Variants in MRTFA observed in about 807,000 individuals in gnomAD.
MRTFA encodes the protein myocardin related transcription factor A, also known as myocardin-related transcription factor A.
Under a neutral mutation model 83.5 loss-of-function variants are expected in MRTFA, and 20 were observed. The ratio of observed to expected loss-of-function variants is 0.24; its 90% CI spans 0.17 to 0.35. The LOEUF is 0.35. Ranked by LOEUF, MRTFA falls within the 10% of genes least tolerant of loss-of-function variation. MRTFA has a pLI of 1.00. For synonymous variants in MRTFA, 659 were observed against 541.2 expected (o/e 1.22, Z -3.02); for missense variants, 1,200 against 1,224.7 (o/e 0.98, Z 0.30).
intron 3 of MRTFA, among the ~76,000 whole-genome samples, chr22:40,499,763 T>C (rs927707387): frequency 1.3e-5 from 2 of 152,138 alleles, no homozygotes; most frequent in Admixed American, 6.5e-5. Context: ...AGAAAATGTC[T>C]TCTCTGTGAC....
rs1388116841 is a variant in MRTFA, at chr22:40,411,781, G to A, written c.2705C>T (p.Pro902Leu). The A allele has an allele frequency of 2.6e-6, 4 of 1,532,524 alleles. 1 individual carries two copies. The highest frequency in any genetic ancestry group is 2.5e-5 in the South Asian group (2 of 79,744). 94.9% of individuals were successfully genotyped at this position (1,532,524 alleles called of 1,614,324 possible). A position where few individuals can be genotyped will look rare whatever the true frequency, so the allele number is the denominator to read the frequency against. The change falls in exon 15 of 15, where the codon CCA becomes CTA. Residue 902 changes from proline to leucine, a missense_variant. Pro to Leu is a moderately conservative substitution (Grantham distance 98). Around this residue, in one of 2 missense-constraint regions of MRTFA, gnomAD observed 1,107 missense variants for 1,041.8 expected, o/e 1.06. Transcript: ENST00000355630. ...GAGGGAGGGTGAGCCTGGAGGAGGT[G>A]GGGCAGCCTGGGGGAGCTCAGCAGA... is the stretch of plus-strand genomic sequence containing the variant.
intron 2 of MRTFA, among the ~76,000 whole-genome samples, chr22:40,583,927 G>A (rs1004320747): frequency 4.6e-5 from 7 of 152,196 alleles, no homozygotes; most frequent in Non-Finnish European, 8.8e-5. Flanking sequence ...TGCACAGGAC[G>A]AGGTGCTCAT....
At chr22:40,480,670 C>G (rs2054073402) in intron 3 of MRTFA, among the ~76,000 whole-genome samples, 1 of 150,574 alleles carries the variant, frequency 6.6e-6, no homozygotes, top group Non-Finnish European at 1.5e-5. Flanking sequence ...TCAGGCTGGG[C>G]ATGATGGTTC....
chr22:40,589,506 G>A (rs1225188355), intron 2 of MRTFA, among the ~76,000 whole-genome samples: 1 of 152,174 alleles, frequency 6.6e-6, no homozygotes, highest in Non-Finnish European at 1.5e-5. Context: ...AGTAAGAGCT[G>A]TATTGTTCCA....
rs553530597 is a variant in MRTFA, at chr22:40,427,978, G to A, written c.601+1628C>T. Among the ~76,000 whole-genome samples, 14 of 152,310 alleles carry A rather than the reference G, an allele frequency of 9.2e-5. No homozygotes were observed. In the South Asian group the frequency reaches 2.7e-3, roughly 29 times the overall value. The stretch of plus-strand genomic sequence containing the variant: ...GCTACTGGGAGGGTGAAGGCCAGGA[G>A]AGGGCAGGGAAGTTCCAATACCACC... On this transcript the variant is annotated intron_variant, in intron 7 of 14. Transcript: ENST00000355630.
rs116208827 is a variant in MRTFA at position 40,608,011 on chromosome 22, C to T, written c.-83-13276G>A. ...GGATCAAATGAAAATCATAGACAGG[C>T]CATCAGGGGTCATCTTTTTGTTTTT... On this transcript the variant is annotated intron_variant, in intron 1 of 14. Coordinates refer to ENST00000355630, the MANE Select transcript of MRTFA (RefSeq NM_020831.6). 7.1e-3 allele frequency among the ~76,000 whole-genome samples: 1,075 copies of T among 152,082 alleles called. 12 individuals are homozygous for T. Among genetic ancestry groups the T allele is most frequent in the African/African-American group, 0.025 (1,037 of 41,484 alleles).
intron 2 of MRTFA, among the ~76,000 whole-genome samples, chr22:40,564,621 C>T (rs957572426): frequency 6.6e-6 from 1 of 151,998 alleles, no homozygotes; most frequent in Non-Finnish European, 1.5e-5. Context: ...AGAAGAAGCT[C>T]AATAATGCTG....
At chr22:40,530,232 C>A (rs997024699) in intron 3 of MRTFA, among the ~76,000 whole-genome samples, 1 of 152,186 alleles carries the variant, frequency 6.6e-6, no homozygotes, top group African/African-American at 2.4e-5. Flanking sequence ...GAGTCAGTAC[C>A]ATGCCCCAAT....
At chr22:40,481,043 G>A (rs762459192) in intron 3 of MRTFA, among the ~76,000 whole-genome samples, 1 of 152,114 alleles carries the variant, frequency 6.6e-6, no homozygotes, top group Non-Finnish European at 1.5e-5. Context: ...GAGGGGTTGA[G>A]GCTGCAGTGA....
chr22:40,521,269 C>A (rs1352840405), intron 3 of MRTFA, among the ~76,000 whole-genome samples: 4 of 152,136 alleles, frequency 2.6e-5, no homozygotes, highest in African/African-American at 9.7e-5. Flanking sequence ...CAGCCCCACA[C>A]CATCCACAGG....
At chr22:40,535,999 C>A (rs55849114) in intron 3 of MRTFA, among the ~76,000 whole-genome samples, 12,316 of 151,934 alleles carry the variant, frequency 0.081, 741 homozygotes, top group East Asian at 0.25. Flanking sequence ...AAAAGAAAAA[C>A]AATTTTTTAA....
At chr22:40,575,846 A>C (rs1272170501) in intron 2 of MRTFA, among the ~76,000 whole-genome samples, 1 of 152,166 alleles carries the variant, frequency 6.6e-6, no homozygotes, top group Non-Finnish European at 1.5e-5. Flanking sequence ...TGAGTATAAC[A>C]ACAACTCTCA....
intron 2 of MRTFA, chr22:40,586,715 C>G (rs892415719): frequency 7.4e-6 from 2 of 270,076 alleles, no homozygotes; most frequent in Non-Finnish European, 1.4e-5. Flanking sequence ...CAGCAGGCTT[C>G]GTTTCCTCTG....
intron 3 of MRTFA, among the ~76,000 whole-genome samples, chr22:40,515,884 G>A (rs897380731): frequency 2.6e-5 from 4 of 152,068 alleles, no homozygotes; most frequent in Non-Finnish European, 5.9e-5. Context: ...CAACTTCCAC[G>A]CAACATCTAG....
chr22:40,590,196 T>A (rs751704744), intron 2 of MRTFA, among the ~76,000 whole-genome samples: 1 of 152,170 alleles, frequency 6.6e-6, no homozygotes, highest in Non-Finnish European at 1.5e-5. Context: ...GACAACTACA[T>A]GGCACTTCTG....
chr22:40,605,731 C>T (rs1039916375), intron 1 of MRTFA, among the ~76,000 whole-genome samples: 2 of 152,086 alleles, frequency 1.3e-5, no homozygotes, highest in African/African-American at 4.8e-5. Context: ...ATTCCATTAC[C>T]AACCTAAAAT....
At chr22:40,484,646 G>C (rs2054145013) in intron 3 of MRTFA, among the ~76,000 whole-genome samples, 1 of 152,132 alleles carries the variant, frequency 6.6e-6, no homozygotes, top group South Asian at 2.1e-4. Flanking sequence ...CCTGCATTAA[G>C]TTAAAGCAGA....
In MRTFA at chr22:40,419,031, G is replaced by A. The variant is rs566258866; in HGVS notation, c.1707C>T (p.Asn569=). Residue 569 remains asparagine (N), a synonymous_variant, in exon 12 of 15, where the codon AAC becomes AAT. Transcript: ENST00000355630. ...CACCAAAGGTGTCCCCGGGGGTGGA[G>A]TTTTCATCGCCCGTGCTGAGCAGTG... The A allele has an allele frequency of 3.1e-6, 5 of 1,612,492 alleles. No individual in the cohort carries two copies. The African/African-American group carries it at 5.3e-5, about 17-fold the overall frequency.
At chr22:40,423,433 C>T (rs758010357) in intron 9 of MRTFA, 103 bp downstream of exon 9, 166 of 1,100,478 alleles carry the variant, frequency 1.5e-4, no homozygotes, top group Non-Finnish European at 1.9e-4. Context: ...GGAGAAGACA[C>T]GCACCACACC....
Sources: gnomAD v4.1 joint callset for allele counts (sites outside exome capture counted in the v4.1 genomes callset) on GRCh38, gnomAD v4.1.1 for gene constraint, gnomAD v4.1.1 regional missense constraint, MANE v1.5 for transcripts, NCBI Gene and HGNC (gene_info 2026-07-23, HGNC 2026-07-21) for gene names.